Variants in HSD17B4 observed in about 807,000 individuals in gnomAD.
HSD17B4 encodes hydroxysteroid 17-beta dehydrogenase 4.
A neutral mutation model predicts 101.0 loss-of-function variants in HSD17B4; 70 were observed. The ratio of observed to expected loss-of-function variants is 0.69; its 90% CI spans 0.57 to 0.85. The LOEUF is 0.85. HSD17B4 is among the 40% of genes least tolerant of loss of function. HSD17B4 has a pLI of 0.00. For synonymous variants in HSD17B4, 347 were observed against 297.1 expected, an observed-to-expected ratio of 1.17 and a Z score of -1.73; for missense variants, 984 against 892.4, an observed-to-expected ratio of 1.10 and a Z score of -1.31.
chr5:119,473,273 C>CTTTTTTTTTTTTTTTTTTTTTTTTTCTT (rs11408993), intron 2 of HSD17B4, among the ~76,000 whole-genome samples: 1 of 36,964 alleles, frequency 2.7e-5, no homozygotes, highest in South Asian at 1.8e-3. Context: ...GTGGATGAAT[C>CTTTTTTTTTTTTTTTTTTTTTTTTTCTT]TTTTTTTTTT....
At chr5:119,456,202 A>G (rs1754630550) in intron 1 of HSD17B4, 113 bp from the exon 2 acceptor site, 3 of 753,344 alleles carry the variant, frequency 4.0e-6, no homozygotes, top group Non-Finnish European at 7.4e-6. Context: ...TGAGAGTATC[A>G]TTAAAATGTA....
At chr5:119,481,585 G>C (rs1167565378) in intron 8 of HSD17B4, among the ~76,000 whole-genome samples, 2 of 152,152 alleles carry the variant, frequency 1.3e-5, no homozygotes, top group Non-Finnish European at 2.9e-5. Flanking sequence ...ACACTATGCT[G>C]TAGTTTATTA....
At chr5:119,475,557 A>G (rs1358189042) in intron 4 of HSD17B4, 149 bp from the exon 5 acceptor site, 6 of 650,222 alleles carry the variant, frequency 9.2e-6, no homozygotes, top group East Asian at 8.2e-5. Flanking sequence ...TGATATAGGT[A>G]TAGACTTTTG....
At chr5:119,509,894 A>G (rs1326190562) in intron 16 of HSD17B4, among the ~76,000 whole-genome samples, 1 of 152,210 alleles carries the variant, frequency 6.6e-6, no homozygotes, top group Non-Finnish European at 1.5e-5. Context: ...ATATGTATCA[A>G]TTGATGGTTT....
intron 6 of HSD17B4, chr5:119,476,786 T>G: frequency 1.3e-6 from 1 of 784,340 alleles, no homozygotes; most frequent in Non-Finnish European, 1.5e-6. Flanking sequence ...TCTCCCTCTC[T>G]TTCTTTTTTT....
At chr5:119,515,755 G>C (rs1017413890) in intron 17 of HSD17B4, among the ~76,000 whole-genome samples, 11 of 152,234 alleles carry the variant, frequency 7.2e-5, no homozygotes, top group Middle Eastern at 3.4e-3. Context: ...AACCTCTGGA[G>C]TAACGCAGTG....
chr5:119,528,386 G>A (rs1278163962), intron 20 of HSD17B4, among the ~76,000 whole-genome samples: 1 of 152,004 alleles, frequency 6.6e-6, no homozygotes, highest in Non-Finnish European at 1.5e-5. Context: ...TCATTTTCCT[G>A]CTTAATTTGT....
At chr5:119,503,179 C>T (rs1242710446) in intron 14 of HSD17B4, among the ~76,000 whole-genome samples, 1 of 150,304 alleles carries the variant, frequency 6.7e-6, no homozygotes, top group Non-Finnish European at 1.5e-5. Flanking sequence ...AAGCTCCTTA[C>T]ATGTTTCATA....
chr5:119,533,506 A>G (rs1754291315), intron 22 of HSD17B4, among the ~76,000 whole-genome samples: 1 of 152,084 alleles, frequency 6.6e-6, no homozygotes, highest in African/African-American at 2.4e-5. Flanking sequence ...AAAAATCAAG[A>G]GGAATGAGAA....
chr5:119,500,623 A>T (rs1204943130), intron 13 of HSD17B4, among the ~76,000 whole-genome samples: 1 of 152,080 alleles, frequency 6.6e-6, no homozygotes, highest in Non-Finnish European at 1.5e-5. Context: ...TGATGTTTAA[A>T]TACTGGAGAT....
rs999647158 is a variant in HSD17B4 at position 119,499,264 on chromosome 5, A to G, written c.973-53A>G. 5.7e-6 allele frequency: 7 copies of G among 1,232,200 alleles called. No homozygotes were observed. The East Asian group carries it at 1.6e-4, about 29-fold the overall frequency. The allele number at this position is 1,232,200 out of a possible 1,614,324, so 76.3% of individuals were successfully genotyped here. A position where few individuals can be genotyped will look rare whatever the true frequency, so the allele number is the denominator to read the frequency against. ...ACAAAACTAGGTATGTAAGAAGTTA[A>G]TAGTTTTGAAAAGTTATCAATGAAA... On this transcript the variant is annotated intron_variant, in intron 12 of 23. Transcript: ENST00000510025.
chr5:119,505,674 G>C (rs1751578389), intron 14 of HSD17B4, among the ~76,000 whole-genome samples: 1 of 151,972 alleles, frequency 6.6e-6, no homozygotes, highest in South Asian at 2.1e-4. Flanking sequence ...TCTAGGTATA[G>C]AATGATATCA....
Position 119,479,588 on chromosome 5 carries a change from A to T in HSD17B4, c.622+567A>T, listed in dbSNP as rs12655113. ...TATCCACTGTTATAATGTCATGCAG[A>T]ATGGTTTTACTGCCCTAAAAATCCC... On this transcript the variant is annotated intron_variant, in intron 8 of 23. Transcript: ENST00000510025. 9.6e-3 allele frequency among the ~76,000 whole-genome samples: 1,467 copies of T among 152,312 alleles called. 121 individuals carry two copies. The East Asian group carries it at 0.21, about 22-fold the overall frequency.
chr5:119,526,938 GCTTA>G (rs1753652624), intron 19 of HSD17B4, among the ~76,000 whole-genome samples, 191 bp from the exon 20 acceptor site: 1 of 151,788 alleles, frequency 6.6e-6, no homozygotes, highest in Middle Eastern at 3.4e-3. Flanking sequence ...CAAAGAATTG[GCTTA>G]CTTATATTAG....
At chr5:119,471,847 T>C in intron 2 of HSD17B4, 1 of 537,124 alleles carries the variant, frequency 1.9e-6, no homozygotes, top group Non-Finnish European at 3.2e-6. Flanking sequence ...TTATGTTGGC[T>C]TGGATATACA....
At chr5:119,536,961 T>G (rs1314530853) in intron 23 of HSD17B4, among the ~76,000 whole-genome samples, 2 of 152,108 alleles carry the variant, frequency 1.3e-5, no homozygotes, top group Non-Finnish European at 2.9e-5. Context: ...AAATCATGAT[T>G]AACAGAAGAG....
intron 17 of HSD17B4, among the ~76,000 whole-genome samples, chr5:119,517,599 TGTCAGGGATTGTA>T (rs1324416696): frequency 6.6e-6 from 1 of 152,196 alleles, no homozygotes; most frequent in Non-Finnish European, 1.5e-5. Context: ...AGAACCTTTA[TGTCAGGGATTGTA>T]AATACACCAA....
chr5:119,517,726 C>G (rs1472016942), intron 17 of HSD17B4, among the ~76,000 whole-genome samples: 4 of 151,888 alleles, frequency 2.6e-5, no homozygotes, highest in African/African-American at 7.3e-5. Context: ...TATCTAGCTG[C>G]TCTGGTGGGG....
intron 2 of HSD17B4, among the ~76,000 whole-genome samples, chr5:119,466,747 C>T (rs1755851903): frequency 6.6e-6 from 1 of 151,762 alleles, no homozygotes; most frequent in Non-Finnish European, 1.5e-5. Flanking sequence ...CTTTTTGTTT[C>T]AGTGACCTTC....
Sources: gnomAD v4.1 joint callset for allele counts (sites outside exome capture counted in the v4.1 genomes callset) on GRCh38, gnomAD v4.1.1 for gene constraint, MANE v1.5 for transcripts, NCBI Gene and HGNC (gene_info 2026-07-23, HGNC 2026-07-21) for gene names.